PPARGC1A: variants seen among roughly 807,000 people sequenced by gnomAD.
PPARGC1A encodes PPARG coactivator 1 alpha.
PPARGC1A carries 25 observed loss-of-function variants against 88.7 expected under a neutral mutation model. That is an observed-to-expected ratio of 0.28 (90% CI 0.21 to 0.39). The LOEUF (loss-of-function observed/expected upper bound fraction) is 0.39. Among genes scored for constraint, PPARGC1A ranks in the 10% least tolerant of loss-of-function variants. The probability of loss-of-function intolerance (pLI) is 1.00; values close to 1 mark genes in which losing one functional copy is unlikely to be tolerated. For synonymous variants in PPARGC1A, 363 were observed against 355.6 expected (o/e 1.02, Z -0.24); for missense variants, 880 against 968.7 (o/e 0.91, Z 1.22).
chr4:23,859,704 C>T (rs1730867282), intron 2 of PPARGC1A, among the ~76,000 whole-genome samples: 1 of 151,756 alleles, frequency 6.6e-6, no homozygotes, highest in African/African-American at 2.4e-5. Flanking sequence ...TGGCAGGAAC[C>T]TGGGAGGTGG....
chr4:24,237,139 A>G, the PPARGC1A span, among the ~76,000 whole-genome samples: 1 of 152,164 alleles, frequency 6.6e-6, no homozygotes, highest in Non-Finnish European at 1.5e-5. Context: ...AGAACCTATT[A>G]TTATAATAAA....
chr4:24,004,298 A>G, the PPARGC1A span, among the ~76,000 whole-genome samples: 1 of 152,164 alleles, frequency 6.6e-6, no homozygotes, highest in African/African-American at 2.4e-5. Context: ...AAGTCCAAAC[A>G]TCCTCCTGTT....
At chr4:24,216,852 C>A in the PPARGC1A span, among the ~76,000 whole-genome samples, 1 of 152,134 alleles carries the variant, frequency 6.6e-6, no homozygotes, top group Non-Finnish European at 1.5e-5. Flanking sequence ...GCCTCAAGAC[C>A]TGGTTTTGGA....
At chr4:23,899,652 G>A (rs2970860), upstream of PPARGC1A, among the ~76,000 whole-genome samples, 41,822 of 152,000 alleles carry the variant, frequency 0.28, 6,252 homozygotes, top group Non-Finnish European at 0.33. Context: ...TGAAGCAAAG[G>A]AAGCCAGACA....
chr4:23,916,365 C>T, the PPARGC1A span, among the ~76,000 whole-genome samples: 1 of 152,038 alleles, frequency 6.6e-6, no homozygotes, highest in African/African-American at 2.4e-5. Context: ...TCAGAAAATG[C>T]AGAAAGATAG....
intron 12 of PPARGC1A, 54 bp downstream of exon 12, chr4:23,801,676 C>T: frequency 6.3e-7 from 1 of 1,589,754 alleles, no homozygotes; most frequent in East Asian, 2.2e-5. Flanking sequence ...TGTTTGTTCC[C>T]ATCTTGAGCT....
At chr4:24,186,989 G>T in the PPARGC1A span, among the ~76,000 whole-genome samples, 1 of 152,116 alleles carries the variant, frequency 6.6e-6, no homozygotes, top group African/African-American at 2.4e-5. Context: ...TTTAAAAATT[G>T]CCAAACATTA....
At chr4:23,860,206 A>G (rs1320383788) in intron 2 of PPARGC1A, among the ~76,000 whole-genome samples, 3 of 151,584 alleles carry the variant, frequency 2.0e-5, no homozygotes, top group Non-Finnish European at 4.4e-5. Context: ...CAGGAGTTTG[A>G]GGCTGCAGTA....
chr4:24,399,354 T>A, the PPARGC1A span, among the ~76,000 whole-genome samples: 219 of 152,326 alleles, frequency 1.4e-3, no homozygotes, highest in African/African-American at 4.8e-3. Flanking sequence ...ATGTTACTTT[T>A]ATAATGAGAA....
the PPARGC1A span, among the ~76,000 whole-genome samples, chr4:24,058,144 G>A: frequency 1.3e-5 from 2 of 152,170 alleles, no homozygotes; most frequent in African/African-American, 4.8e-5. Flanking sequence ...GCCCCAGAGG[G>A]GTGGCCTGGG....
the PPARGC1A span, among the ~76,000 whole-genome samples, chr4:24,073,593 C>T: frequency 1.5e-4 from 23 of 152,184 alleles, no homozygotes; most frequent in African/African-American, 3.6e-4. Context: ...GGAGTGATAG[C>T]GAGATGATGG....
At chr4:24,108,996 TCA>T in the PPARGC1A span, among the ~76,000 whole-genome samples, 864 of 138,956 alleles carry the variant, frequency 6.2e-3, 3 homozygotes, top group African/African-American at 0.013. Flanking sequence ...GCTATAAAAA[TCA>T]CACACACACA....
At chr4:23,864,025 G>A (rs1483053687) in intron 2 of PPARGC1A, among the ~76,000 whole-genome samples, 1 of 152,184 alleles carries the variant, frequency 6.6e-6, no homozygotes, top group Admixed American at 6.5e-5. Flanking sequence ...GGGATTACAG[G>A]TGTGAGTCAC....
chr4:24,469,627 C>A, the PPARGC1A span, among the ~76,000 whole-genome samples: 1 of 152,226 alleles, frequency 6.6e-6, no homozygotes, highest in Admixed American at 6.5e-5. Flanking sequence ...GAGAGCCAAT[C>A]ATTCTCCAGA....
the PPARGC1A span, among the ~76,000 whole-genome samples, chr4:23,935,162 T>A: frequency 6.6e-6 from 1 of 152,122 alleles, no homozygotes; most frequent in Admixed American, 6.5e-5. Context: ...CCCACAATGC[T>A]CGCATGCCTG....
At chr4:23,800,073 A>G (rs1718381966) in intron 12 of PPARGC1A, among the ~76,000 whole-genome samples, 1 of 152,120 alleles carries the variant, frequency 6.6e-6, no homozygotes, top group African/African-American at 2.4e-5. Flanking sequence ...TTCCCTGTGA[A>G]CAATGCACAT....
At chr4:23,816,827 G>A (rs184784969) in intron 7 of PPARGC1A, among the ~76,000 whole-genome samples, 3 of 152,060 alleles carry the variant, frequency 2.0e-5, no homozygotes, top group East Asian at 1.9e-4. Context: ...ATCTCTTTTC[G>A]AATGTGAATT....
intron 10 of PPARGC1A, among the ~76,000 whole-genome samples, chr4:23,808,843 T>A (rs1364882604): frequency 2.0e-5 from 3 of 152,164 alleles, no homozygotes; most frequent in Non-Finnish European, 2.9e-5. Context: ...AGTTTATAGA[T>A]CTCCTAAAAC....
the PPARGC1A span, among the ~76,000 whole-genome samples, chr4:24,326,490 C>G: frequency 6.6e-6 from 1 of 152,138 alleles, no homozygotes; most frequent in African/African-American, 2.4e-5. Context: ...CCTTTGCACC[C>G]GTCATCCCAG....
Sources: allele counts gnomAD v4.1 joint callset (sites outside exome capture counted in the v4.1 genomes callset), GRCh38; gene constraint gnomAD v4.1.1; transcripts MANE v1.5; gene names NCBI Gene and HGNC (gene_info 2026-07-23, HGNC 2026-07-21).